DNMT3A: variants seen among roughly 807,000 people sequenced by gnomAD.
DNMT3A encodes the protein DNA (cytosine-5)-methyltransferase 3A.
In DNMT3A, 267 loss-of-function variants were observed where a neutral mutation model predicts 117.6. The ratio of observed to expected loss-of-function variants is 2.27; its 90% CI spans 2.05 to 2.51. The LOEUF (loss-of-function observed/expected upper bound fraction) is 2.51, where lower values mean the gene tolerates loss of function less well. Ranked by LOEUF, DNMT3A falls within the 30% of genes most tolerant of loss-of-function variation. DNMT3A has a pLI of 0.00. For missense variants in DNMT3A, 1,029 were observed against 1,260.2 expected, an observed-to-expected ratio of 0.82 and a Z score of 2.78; for synonymous variants, 432 against 474.8, an observed-to-expected ratio of 0.91 and a Z score of 1.17.
intron 4 of DNMT3A, among the ~76,000 whole-genome samples, chr2:25,279,835 C>T (rs2031752987): frequency 6.6e-6 from 1 of 152,098 alleles, no homozygotes; most frequent in East Asian, 1.9e-4. Context: ...TACAGGCATG[C>T]ACCACCAAGC....
rs1234450704 is a variant in DNMT3A, at chr2:25,306,591, G to C, written c.73-6348C>G. Reference sequence around the variant, plus strand: ...GTGCCCATCTGGTTCCCAGGCCCTCGTGCCAGGGCTGCAGCCCCTTGTCCA... The same window carrying C: ...GTGCCCATCTGGTTCCCAGGCCCTCCTGCCAGGGCTGCAGCCCCTTGTCCA... On this transcript the variant is annotated intron_variant, in intron 2 of 22. Coordinates refer to ENST00000321117, the MANE Select transcript of DNMT3A (RefSeq NM_022552.5). This position sits in a 1 kb window ranked among gnomAD's most constrained non-coding sequence, Gnocchi z 4.1. Among the ~76,000 whole-genome samples, 1 of 152,086 alleles carries C rather than the reference G, an allele frequency of 6.6e-6. No homozygotes were observed. Among genetic ancestry groups the C allele is most frequent in the South Asian group, 2.1e-4 (1 of 4,824 alleles).
Position 25,230,791 on chromosome 2 carries a change from G to GGGT in DNMT3A, c.*3487_*3488insACC, listed in dbSNP as rs1491474447. On this transcript the variant is annotated 3_prime_UTR_variant, in exon 23 of 23. Transcript: ENST00000321117. ...TGATTGTTAACTCTCGTCCCTGCAA[G>GGGT]GGGGGGGGGGGGGGGGCCATGACCC... 1 of 31,882 alleles carries GGGT rather than the reference G, an allele frequency of 3.1e-5. No homozygotes were observed. The highest frequency in any genetic ancestry group is 1.1e-3 in the South Asian group (1 of 906). The allele number at this position is 31,882 out of a possible 1,614,324, so 2.0% of individuals were successfully genotyped here.
At chr2:25,338,033 G>A (rs917184306) in intron 1 of DNMT3A, among the ~76,000 whole-genome samples, 2 of 152,220 alleles carry the variant, frequency 1.3e-5, no homozygotes, top group Non-Finnish European at 2.9e-5. Context: ...CTACCTGCTG[G>A]AGGCCAGAGA....
Position 25,247,239 on chromosome 2 carries a change from G to A in DNMT3A, c.1015-81C>T, listed in dbSNP as rs547988624. 1.3e-5 allele frequency: 18 copies of A among 1,414,492 alleles called. No homozygotes were observed. Among genetic ancestry groups the A allele is most frequent in the African/African-American group, 1.4e-5 (1 of 70,406 alleles). 87.6% of individuals were successfully genotyped at this position (1,414,492 alleles called of 1,614,324 possible). ...CCATGCCTTGCAACTGGCAGGGGCTGGGAGCCTCGAGAGTCAGTCTCAGCC... is the reference window on the plus strand; with the variant it reads ...CCATGCCTTGCAACTGGCAGGGGCTAGGAGCCTCGAGAGTCAGTCTCAGCC... On this transcript the variant is annotated intron_variant, in intron 8 of 22. Transcript: ENST00000321117. This position sits in a 1 kb window ranked among gnomAD's most constrained non-coding sequence, Gnocchi z 5.6.
intron 6 of DNMT3A, 107 bp from the exon 7 acceptor site, chr2:25,248,359 G>A (rs1455256958): frequency 4.6e-6 from 6 of 1,299,226 alleles, no homozygotes; most frequent in Non-Finnish European, 6.4e-6. Flanking sequence ...AGTGACAGAA[G>A]GTCAAGGGCT....
In DNMT3A at chr2:25,244,730, G is replaced by A. The variant is rs1158761309; in HGVS notation, c.1555-78C>T. ...CAGGACGAAGGGAGGCTCCACACCT[G>A]GCCTCACAGAGCCTAAGCCCTGAAG... On this transcript the variant is annotated intron_variant, in intron 13 of 22. Transcript: ENST00000321117. 3 of 1,249,128 alleles carry A rather than the reference G, an allele frequency of 2.4e-6. No homozygotes were observed. The South Asian group carries it at 3.7e-5, about 15-fold the overall frequency. 77.4% of individuals were successfully genotyped at this position (1,249,128 alleles called of 1,614,324 possible).
At chr2:25,259,280 G>T (rs1368499391) in intron 6 of DNMT3A, among the ~76,000 whole-genome samples, 1 of 152,210 alleles carries the variant, frequency 6.6e-6, no homozygotes, top group Non-Finnish European at 1.5e-5. Flanking sequence ...ACGGAGTCTG[G>T]GGCCAGGGAG....
rs577324447 is a variant in DNMT3A at position 25,294,815 on chromosome 2, G to C, written c.177+5324C>G. ...CCCTCTTGGACTGGCTCACTCCTGC[G>C]GTGTTGGAGGGTCAGCCCTAACACC... On this transcript the variant is annotated intron_variant, in intron 3 of 22. Transcript: ENST00000321117. This position sits in a 1 kb window ranked among gnomAD's most constrained non-coding sequence, Gnocchi z 4.7. 4.6e-5 allele frequency among the ~76,000 whole-genome samples: 7 copies of C among 152,116 alleles called. No individual in the cohort carries two copies. Among genetic ancestry groups the C allele is most frequent in the South Asian group, 2.1e-4 (1 of 4,820 alleles).
rs967635778 is a variant in DNMT3A, at chr2:25,252,120, G to T, written c.640-3868C>A. 3.1e-5 allele frequency: 47 copies of T among 1,525,374 alleles called. No homozygotes were observed. Among genetic ancestry groups the T allele is most frequent in the Non-Finnish European group, 3.8e-5 (43 of 1,131,254 alleles). 94.5% of individuals were successfully genotyped at this position (1,525,374 alleles called of 1,614,324 possible). On this transcript the variant is annotated intron_variant, in intron 6 of 22. Coordinates refer to ENST00000321117, the MANE Select transcript of DNMT3A (RefSeq NM_022552.5). The surrounding 1 kb of genome is among the most constrained non-coding windows in gnomAD (Gnocchi z 5.5). ...ACTTCACTCTTTTCAAACCCGGAGG[G>T]CTGCGGAGATCCTCCCACCGGCCCT...
intron 4 of DNMT3A, among the ~76,000 whole-genome samples, chr2:25,276,647 T>G (rs2031435126): frequency 1.3e-5 from 2 of 152,214 alleles, no homozygotes; most frequent in African/African-American, 4.8e-5. Flanking sequence ...CCCCGGAGGC[T>G]GCGGGGCTGG....
chr2:25,336,051 A>C (rs1439150100), intron 1 of DNMT3A, among the ~76,000 whole-genome samples: 1 of 152,018 alleles, frequency 6.6e-6, no homozygotes, highest in Non-Finnish European at 1.5e-5. Flanking sequence ...CCCACCAAGC[A>C]CCCTTGCTGT....
rs1023838437 is a variant in DNMT3A, at chr2:25,339,805, C to A, written c.-178+2021G>T. The stretch of plus-strand genomic sequence containing the variant: ...CCGGGATGCCTGGCCCCCCAAATCC[C>A]ACAGGCCAGTCCTAACACCCAGGCA... On this transcript the variant is annotated intron_variant, in intron 1 of 22. Transcript: ENST00000321117. This position sits in a 1 kb window ranked among gnomAD's most constrained non-coding sequence, Gnocchi z 4.9. 6.6e-6 allele frequency among the ~76,000 whole-genome samples: 1 copy of A among 152,242 alleles called. No individual in the cohort carries two copies. Among genetic ancestry groups the A allele is most frequent in the African/African-American group, 2.4e-5 (1 of 41,460 alleles).
chr2:25,286,962 C>T lies in DNMT3A; in HGVS notation c.178-4251G>A, dbSNP rs76132870. ...CGATCTGGAGGGCAGAGACTTTGCT[C>T]GATCCGGCTAGACTTAGCAGGGAGT... On this transcript the variant is annotated intron_variant, in intron 3 of 22. Coordinates refer to ENST00000321117, the MANE Select transcript of DNMT3A (RefSeq NM_022552.5). This position sits in a 1 kb window ranked among gnomAD's most constrained non-coding sequence, Gnocchi z 4.3. 2.0e-3 allele frequency among the ~76,000 whole-genome samples: 300 copies of T among 152,318 alleles called. No individual in the cohort carries two copies. The highest frequency in any genetic ancestry group is 7.0e-3 in the African/African-American group (289 of 41,576).
intron 6 of DNMT3A, among the ~76,000 whole-genome samples, 165 bp downstream of exon 6, chr2:25,274,776 C>A (rs1431301077): frequency 1.3e-5 from 2 of 152,072 alleles, no homozygotes; most frequent in Non-Finnish European, 2.9e-5. Flanking sequence ...AGTAAGTGTT[C>A]AATAAGCATC....
intron 1 of DNMT3A, among the ~76,000 whole-genome samples, chr2:25,323,093 C>A (rs1248153253): frequency 6.6e-6 from 1 of 152,088 alleles, no homozygotes; most frequent in East Asian, 1.9e-4. Context: ...TCAACCCTCA[C>A]CCCAGGCAAG....
rs752317902 is a variant in DNMT3A, at chr2:25,244,661, C to T, written c.1555-9G>A. The stretch of plus-strand genomic sequence containing the variant: ...CACTCCAGAAAGCAGTTCTAGACAG[C>T]AGCGGGAAGGGTCAGAAACCACCAG... On this transcript the variant is annotated splice_polypyrimidine_tract_variant and intron_variant, in intron 13 of 22. Coordinates refer to ENST00000321117, the MANE Select transcript of DNMT3A (RefSeq NM_022552.5). The T allele has an allele frequency of 6.2e-7, 1 of 1,613,336 alleles. No homozygotes were observed. The highest frequency in any genetic ancestry group is 2.2e-5 in the East Asian group (1 of 44,882).
intron 2 of DNMT3A, among the ~76,000 whole-genome samples, chr2:25,303,585 C>T (rs541070337): frequency 1.3e-5 from 2 of 152,250 alleles, no homozygotes; most frequent in Admixed American, 1.3e-4. Context: ...GTGCAAGGAG[C>T]TTTACGGCTG....
At position 25,339,794 on chromosome 2, in the gene DNMT3A, C is replaced by T. The variant is rs1573520185; in HGVS notation, c.-178+2032G>A. ...AAAGAGGGTCCCCGGGATGCCTGGC[C>T]CCCCAAATCCCACAGGCCAGTCCTA... On this transcript the variant is annotated intron_variant, in intron 1 of 22. Transcript: ENST00000321117. This position sits in a 1 kb window ranked among gnomAD's most constrained non-coding sequence, Gnocchi z 4.9. 6.6e-6 allele frequency among the ~76,000 whole-genome samples: 1 copy of T among 152,330 alleles called. No individual in the cohort carries two copies. Among genetic ancestry groups the T allele is most frequent in the African/African-American group, 2.4e-5 (1 of 41,566 alleles).
Position 25,305,937 on chromosome 2 carries a change from C to T in DNMT3A, c.73-5694G>A, listed in dbSNP as rs147291438. Among the ~76,000 whole-genome samples the T allele has an allele frequency of 2.0e-5, 3 of 152,318 alleles. No individual in the cohort carries two copies. Among genetic ancestry groups the T allele is most frequent in the Non-Finnish European group, 2.9e-5 (2 of 68,028 alleles). On this transcript the variant is annotated intron_variant, in intron 2 of 22. Transcript: ENST00000321117. The surrounding 1 kb of genome is among the most constrained non-coding windows in gnomAD (Gnocchi z 4.1). Reference sequence around the variant, plus strand: ...CCCAGCATCGGTTGAGCAGATGTCTCGAGTTGGTGCTTGAGTCGAGGGGAT... The same window carrying T: ...CCCAGCATCGGTTGAGCAGATGTCTTGAGTTGGTGCTTGAGTCGAGGGGAT...
Sources: allele counts gnomAD v4.1 joint callset (sites outside exome capture counted in the v4.1 genomes callset), GRCh38; gene constraint gnomAD v4.1.1; non-coding constraint Gnocchi (gnomAD v3.1); transcripts MANE v1.5; gene names NCBI Gene and HGNC (gene_info 2026-07-23, HGNC 2026-07-21).